The following PCDHA4 variants were observed in gnomAD, a reference collection of about 807,000 sequenced individuals.
The protein encoded by PCDHA4 is protocadherin alpha-4.
PCDHA4 carries 49 observed loss-of-function variants against 61.4 expected under a neutral mutation model. That is an observed-to-expected ratio of 0.80 (90% CI 0.63 to 1.01). The LOEUF is 1.01. Ranked by LOEUF, PCDHA4 falls within the 50% of genes least tolerant of loss-of-function variation. PCDHA4 has a pLI of 0.00. For missense variants in PCDHA4, 1,254 were observed against 1,235.8 expected (o/e 1.01, Z -0.22); for synonymous variants, 590 against 550.3 (o/e 1.07, Z -1.01).
At chr5:140,927,592 G>A in intron 1 of PCDHA4, 5 of 1,614,170 alleles carry the variant, frequency 3.1e-6, no homozygotes, top group Non-Finnish European at 4.2e-6. Context: ...GCCTGTATTT[G>A]AGCGCTCCGT....
intron 1 of PCDHA4, chr5:140,884,155 C>A (rs781815602): frequency 1.2e-6 from 2 of 1,613,430 alleles, no homozygotes; most frequent in Non-Finnish European, 1.7e-6. Flanking sequence ...TGTACACTGG[C>A]GAGATCAGCA....
chr5:140,822,224 G>A lies in PCDHA4; in HGVS notation c.2385+12652G>A, dbSNP rs2150114696. ...TTAGAGTCAAGAATGCCAGATTCGC[G>A]GTTTCCGCTAGAGGGCGCGTCGGAT... On this transcript the variant is annotated intron_variant, in intron 1 of 3. Transcript: ENST00000530339. 10 of 1,614,208 alleles carry A rather than the reference G, an allele frequency of 6.2e-6. No homozygotes were observed. In the South Asian group the frequency reaches 8.8e-5, roughly 14 times the overall value.
In PCDHA4 at chr5:140,853,126, G is replaced by A. The variant is rs182768558; in HGVS notation, c.2385+43554G>A. 8.6e-5 allele frequency: 48 copies of A among 560,326 alleles called. 1 individual carries two copies. In the East Asian group the frequency reaches 5.9e-3, roughly 68 times the overall value. The allele number at this position is 560,326 out of a possible 1,614,324, so 34.7% of individuals were successfully genotyped here. On this transcript the variant is annotated intron_variant, in intron 1 of 3. Coordinates refer to ENST00000530339, the MANE Select transcript of PCDHA4 (RefSeq NM_018907.4). ...GATCTCCTGACCTCATGATCCTCCC[G>A]CCTCAGCCTCCCAAAATGCTGGGAT...
intron 1 of PCDHA4, chr5:140,829,566 A>G (rs1554132093): frequency 1.9e-6 from 3 of 1,612,588 alleles, no homozygotes; most frequent in Non-Finnish European, 2.5e-6. Flanking sequence ...CTGGTGTCCT[A>G]CTCGCTGGTG....
chr5:141,007,844 C>T (rs782712601), intron 3 of PCDHA4, among the ~76,000 whole-genome samples: 3 of 152,176 alleles, frequency 2.0e-5, no homozygotes, highest in Non-Finnish European at 4.4e-5. Context: ...ATTAGAGACT[C>T]AAAGTCCTTA....
At chr5:140,881,574 A>C (rs565640252) in intron 1 of PCDHA4, among the ~76,000 whole-genome samples, 22 of 152,364 alleles carry the variant, frequency 1.4e-4, no homozygotes, top group Middle Eastern at 6.8e-3. Context: ...CTACATCTCA[A>C]GTCACATTGA....
At chr5:140,931,751 A>G (rs1393748704) in intron 1 of PCDHA4, among the ~76,000 whole-genome samples, 2 of 151,952 alleles carry the variant, frequency 1.3e-5, no homozygotes, top group African/African-American at 4.8e-5. Context: ...TCACAAAGGC[A>G]TTTGTTATTT....
At chr5:140,944,089 A>G (rs2093608705) in intron 1 of PCDHA4, among the ~76,000 whole-genome samples, 2 of 152,250 alleles carry the variant, frequency 1.3e-5, no homozygotes, top group Non-Finnish European at 1.5e-5. Context: ...AGGCCTGAGT[A>G]AGTTTATATC....
rs147892853 is a variant in PCDHA4 at position 140,979,173 on chromosome 5, C to A, written c.2444+166C>A. ...CCCATGTTTATTCCTTGAAAGATCG[C>A]AAATGGTCAGTGCCAGATGCTTATC... On this transcript the variant is annotated intron_variant, in intron 2 of 3. Transcript: ENST00000530339. The A allele has an allele frequency of 5.2e-6, 5 of 958,838 alleles. No individual in the cohort carries two copies. The Admixed American group carries it at 3.1e-4, about 59-fold the overall frequency. 59.4% of individuals were successfully genotyped at this position (958,838 alleles called of 1,614,324 possible).
intron 1 of PCDHA4, among the ~76,000 whole-genome samples, chr5:140,826,878 A>G (rs1769091228): frequency 6.6e-6 from 1 of 152,188 alleles, no homozygotes; most frequent in Non-Finnish European, 1.5e-5. Flanking sequence ...AATTCAATGA[A>G]AGCTGTACTC....
chr5:140,870,242 T>A (rs1554163936), intron 1 of PCDHA4: 1 of 1,614,142 alleles, frequency 6.2e-7, no homozygotes, highest in East Asian at 2.2e-5. Flanking sequence ...GACTCAGGTG[T>A]CAACGGACAG....
At position 140,848,707 on chromosome 5, in the gene PCDHA4, G is replaced by T. The variant is rs2150418357; in HGVS notation, c.2385+39135G>T. 8 of 1,592,314 alleles carry T rather than the reference G, an allele frequency of 5.0e-6. 3 individuals are homozygous for T. Among genetic ancestry groups the T allele is most frequent in the Middle Eastern group, 3.5e-4 (2 of 5,774 alleles). ...CTGTTCCAGTTGGATTCCAAAGGCC[G>T]CGGGGACCTTCTGGAGGTAAATCTG... On this transcript the variant is annotated intron_variant, in intron 1 of 3. Coordinates refer to ENST00000530339, the MANE Select transcript of PCDHA4 (RefSeq NM_018907.4).
At chr5:140,883,074 C>T (rs1554176634) in intron 1 of PCDHA4, 2 of 1,614,042 alleles carry the variant, frequency 1.2e-6, no homozygotes, top group Admixed American at 3.3e-5. Context: ...GCCACAGATC[C>T]TGATGATGGT....
chr5:140,851,489 T>A, intron 1 of PCDHA4: 1 of 887,850 alleles, frequency 1.1e-6, no homozygotes, highest in Admixed American at 6.3e-5. Context: ...AACACAGCCT[T>A]CATTTCAACT....
chr5:140,926,976 GGA>G (rs1184794302), intron 1 of PCDHA4: 3 of 1,610,286 alleles, frequency 1.9e-6, no homozygotes, highest in Non-Finnish European at 2.5e-6. Context: ...CAGTGCCGGA[GGA>G]GACGGAGCGG....
chr5:140,849,872 G>C, intron 1 of PCDHA4: 1 of 1,598,650 alleles, frequency 6.3e-7, no homozygotes, highest in Non-Finnish European at 8.6e-7. Flanking sequence ...CGCAGTCCGA[G>C]TACACGGTGT....
At chr5:140,867,473 G>A (rs2049977371) in intron 1 of PCDHA4, 1 of 151,968 alleles carries the variant, frequency 6.6e-6, no homozygotes, top group Non-Finnish European at 1.5e-5. Flanking sequence ...ACAACATTGG[G>A]AAAAGAGTAA....
At chr5:140,925,108 G>GAAGGAA (rs2082318586) in intron 1 of PCDHA4, among the ~76,000 whole-genome samples, 1 of 124,702 alleles carries the variant, frequency 8.0e-6, no homozygotes, top group African/African-American at 3.3e-5. Context: ...GAAGGAAGGA[G>GAAGGAA]GGAAGGAAGG....
chr5:140,993,234 A>AATCTG (rs1554253510), intron 3 of PCDHA4, among the ~76,000 whole-genome samples: 1 of 152,130 alleles, frequency 6.6e-6, no homozygotes, highest in Non-Finnish European at 1.5e-5. Flanking sequence ...GTTCTCTCTG[A>AATCTG]ATCTGGGGAT....
Sources: gnomAD v4.1 joint callset for allele counts (sites outside exome capture counted in the v4.1 genomes callset) on GRCh38, gnomAD v4.1.1 for gene constraint, MANE v1.5 for transcripts, NCBI Gene and HGNC (gene_info 2026-07-23, HGNC 2026-07-21) for gene names.